Variants in KLF12 observed in about 807,000 individuals in gnomAD.
KLF12 encodes Krueppel-like factor 12.
Under a neutral mutation model 37.8 loss-of-function variants are expected in KLF12, and 9 were observed. That is an observed-to-expected ratio of 0.24 (90% CI 0.14 to 0.42). KLF12 has a LOEUF of 0.42. Ranked by LOEUF, KLF12 falls within the 10% of genes least tolerant of loss-of-function variation. KLF12 has a pLI of 1.00. For synonymous variants in KLF12, 208 were observed against 202.1 expected (o/e 1.03, Z -0.25); for missense variants, 411 against 516.0 (o/e 0.80, Z 1.97).
chr13:74,250,712 AAGGCT>A, the KLF12 span, among the ~76,000 whole-genome samples: 1 of 152,172 alleles, frequency 6.6e-6, no homozygotes, highest in African/African-American at 2.4e-5. Flanking sequence ...AAAAAAGATC[AAGGCT>A]GTTTAGGAAG....
At chr13:73,776,686 G>A (rs935464053) in intron 5 of KLF12, among the ~76,000 whole-genome samples, 1 of 152,164 alleles carries the variant, frequency 6.6e-6, no homozygotes, top group Non-Finnish European at 1.5e-5. Context: ...AAGCCAAAGA[G>A]GGTACAGAGT....
intron 1 of KLF12, among the ~76,000 whole-genome samples, chr13:74,108,832 GGAA>G (rs1369556894): frequency 1.3e-5 from 2 of 152,096 alleles, no homozygotes; most frequent in African/African-American, 4.8e-5. Context: ...AGGGGGAGGA[GGAA>G]GAAGAGGAAA....
chr13:74,241,717 G>T, the KLF12 span, among the ~76,000 whole-genome samples: 1 of 152,162 alleles, frequency 6.6e-6, no homozygotes, highest in South Asian at 2.1e-4. Flanking sequence ...GATTTTCCAG[G>T]TGCCGTCCGT....
At chr13:73,765,493 GGGAA>G (rs1879850729) in intron 5 of KLF12, among the ~76,000 whole-genome samples, 2 of 152,178 alleles carry the variant, frequency 1.3e-5, no homozygotes, top group Non-Finnish European at 2.9e-5. Context: ...TGCAGGCACA[GGGAA>G]GGAAGGAAGG....
At chr13:74,080,302 G>C (rs1874805313) in intron 1 of KLF12, among the ~76,000 whole-genome samples, 1 of 151,628 alleles carries the variant, frequency 6.6e-6, no homozygotes, top group African/African-American at 2.4e-5. Context: ...TTTTAAGTTA[G>C]CTGGACATGG....
chr13:74,293,635 A>G, the KLF12 span, among the ~76,000 whole-genome samples: 6 of 152,338 alleles, frequency 3.9e-5, no homozygotes, highest in South Asian at 6.2e-4. Context: ...GAAGGACTAT[A>G]TAAGATGGCA....
chr13:74,055,203 C>CT (rs774796062), intron 1 of KLF12, among the ~76,000 whole-genome samples: 5 of 152,150 alleles, frequency 3.3e-5, no homozygotes, highest in Non-Finnish European at 5.9e-5. Context: ...AAATTCTGCC[C>CT]TTTACTCTCT....
chr13:73,803,886 T>C (rs1882423165), intron 5 of KLF12, among the ~76,000 whole-genome samples: 1 of 152,078 alleles, frequency 6.6e-6, no homozygotes, highest in South Asian at 2.1e-4. Context: ...GTCATATCCA[T>C]GATGATGTAA....
intron 1 of KLF12, among the ~76,000 whole-genome samples, chr13:74,066,148 G>T (rs969296841): frequency 6.6e-6 from 1 of 152,080 alleles, no homozygotes; most frequent in African/African-American, 2.4e-5. Flanking sequence ...GCAACACTGA[G>T]AAGACAAGAC....
chr13:73,857,446 A>G (rs1342822464), intron 3 of KLF12, among the ~76,000 whole-genome samples: 1 of 152,210 alleles, frequency 6.6e-6, no homozygotes, highest in African/African-American at 2.4e-5. Context: ...ATATGTTAAA[A>G]TTTATATATT....
chr13:73,795,476 T>A (rs1022592888), intron 5 of KLF12, among the ~76,000 whole-genome samples: 5 of 152,212 alleles, frequency 3.3e-5, no homozygotes, highest in Non-Finnish European at 5.9e-5. Context: ...GAATGAAGTA[T>A]GAGAATTTCC....
chr13:73,946,882 G>C (rs1006141850), intron 2 of KLF12, among the ~76,000 whole-genome samples: 1 of 152,178 alleles, frequency 6.6e-6, no homozygotes. Flanking sequence ...ATCTAGGAAG[G>C]TGTGTGATTT....
intron 2 of KLF12, among the ~76,000 whole-genome samples, chr13:73,974,558 A>G (rs1243764635): frequency 6.6e-6 from 1 of 152,208 alleles, no homozygotes; most frequent in Admixed American, 6.5e-5. Context: ...AGACCTTCAT[A>G]AAATAAACTC....
At chr13:73,816,487 A>T (rs1456756486) in intron 4 of KLF12, among the ~76,000 whole-genome samples, 1 of 152,208 alleles carries the variant, frequency 6.6e-6, no homozygotes, top group African/African-American at 2.4e-5. Context: ...GTGTTCTGGA[A>T]TCCTACGTGA....
At chr13:73,907,896 A>G (rs1347499326) in intron 3 of KLF12, among the ~76,000 whole-genome samples, 2 of 151,870 alleles carry the variant, frequency 1.3e-5, no homozygotes, top group African/African-American at 4.8e-5. Flanking sequence ...CATCTCCCAC[A>G]TCTCTTCCCC....
chr13:73,799,915 T>G (rs548840478), intron 5 of KLF12, among the ~76,000 whole-genome samples: 1 of 152,156 alleles, frequency 6.6e-6, no homozygotes, highest in Non-Finnish European at 1.5e-5. Flanking sequence ...CACTTTCTGC[T>G]GAAAGGTCAT....
At chr13:73,928,191 G>C (rs1304733131) in intron 3 of KLF12, among the ~76,000 whole-genome samples, 1 of 152,166 alleles carries the variant, frequency 6.6e-6, no homozygotes, top group African/African-American at 2.4e-5. Flanking sequence ...GATTTCTGGG[G>C]ATCTTGTCCA....
chr13:73,860,056 G>A (rs1346012532), intron 3 of KLF12, among the ~76,000 whole-genome samples: 2 of 152,192 alleles, frequency 1.3e-5, no homozygotes, highest in Non-Finnish European at 2.9e-5. Flanking sequence ...GAAATGCAGT[G>A]TGGTTTTGTG....
chr13:74,113,788 C>T (rs1877120505), intron 1 of KLF12, among the ~76,000 whole-genome samples: 1 of 152,200 alleles, frequency 6.6e-6, no homozygotes, highest in Non-Finnish European at 1.5e-5. Context: ...TAAAGATATA[C>T]TTGCCATAGA....
Sources: allele counts gnomAD v4.1 joint callset (sites outside exome capture counted in the v4.1 genomes callset), GRCh38; gene constraint gnomAD v4.1.1; transcripts MANE v1.5; gene names NCBI Gene and HGNC (gene_info 2026-07-23, HGNC 2026-07-21).